C5AR1: variants seen among roughly 807,000 people sequenced by gnomAD.
C5AR1 encodes complement C5a receptor 1.
Under a neutral mutation model 2.4 loss-of-function variants are expected in C5AR1, and 4 were observed. That is an observed-to-expected ratio of 1.65 (90% confidence interval 0.81 to 3.77). C5AR1 has a LOEUF of 3.77. Among genes scored for constraint, C5AR1 ranks in the 30% most tolerant of loss-of-function variants. C5AR1 has a pLI of 0.01. For missense variants in C5AR1, 418 were observed against 462.5 expected (o/e 0.90, Z 0.88); for synonymous variants, 209 against 210.4 (o/e 0.99, Z 0.06).
In C5AR1 at chr19:47,320,458, C is replaced by T. The variant is rs143040550; in HGVS notation, c.681C>T (p.Leu227=). The T allele has an allele frequency of 6.2e-7, 1 of 1,612,790 alleles. No individual in the cohort carries two copies. Among genetic ancestry groups the T allele is most frequent in the South Asian group, 1.1e-5 (1 of 91,086 alleles). Residue 227 remains leucine (L), a synonymous_variant, in exon 2 of 2, where the codon CTC becomes CTT. Coordinates refer to ENST00000355085, the MANE Select transcript of C5AR1 (RefSeq NM_001736.4). This position sits in a 1 kb window ranked among gnomAD's most constrained non-coding sequence, Gnocchi z 4.9. ...TLTICYTFIL[L]RTWSRRATRS... ...CGATTTGTTACACTTTCATCCTGCT[C>T]CGGACGTGGAGCCGCAGGGCCACGC...
intron 1 of C5AR1, among the ~76,000 whole-genome samples, chr19:47,311,311 A>G (rs1457296346): frequency 6.6e-6 from 1 of 151,884 alleles, no homozygotes; most frequent in Admixed American, 6.6e-5. Flanking sequence ...GGAGATTGAG[A>G]CCATCCTGGC....
At position 47,321,242 on chromosome 19, in the gene C5AR1, A is replaced by G. The variant is rs1287450256; in HGVS notation, c.*412A>G. The stretch of plus-strand genomic sequence containing the variant: ...GGCAAGTTGGAAAATATGTAACTGG[A>G]ATCTCAAAAGTTCTTTGGGACAAAA... On this transcript the variant is annotated 3_prime_UTR_variant, in exon 2 of 2. Coordinates refer to ENST00000355085, the MANE Select transcript of C5AR1 (RefSeq NM_001736.4). The G allele has an allele frequency of 1.3e-5, 2 of 155,236 alleles. No individual in the cohort carries two copies. Among genetic ancestry groups the G allele is most frequent in the African/African-American group, 2.4e-5 (1 of 41,444 alleles). 9.6% of individuals were successfully genotyped at this position (155,236 alleles called of 1,614,324 possible).
At chr19:47,311,812 C>T (rs937018698) in intron 1 of C5AR1, among the ~76,000 whole-genome samples, 13 of 151,982 alleles carry the variant, frequency 8.6e-5, no homozygotes, top group Non-Finnish European at 1.3e-4. Context: ...GTGATCCACC[C>T]ACATTGGTCT....
At chr19:47,308,065 T>C (rs1486356598), upstream of C5AR1, among the ~76,000 whole-genome samples, 1 of 150,730 alleles carries the variant, frequency 6.6e-6, no homozygotes, top group African/African-American at 2.4e-5. Context: ...ATACAAAAAT[T>C]AGCCGGGTGC....
upstream of C5AR1, chr19:47,309,852 G>T: frequency 6.2e-7 from 1 of 1,610,466 alleles, no homozygotes; most frequent in Non-Finnish European, 8.5e-7. Flanking sequence ...CAGCCCTTGG[G>T]CAGGAGGGAC....
intron 1 of C5AR1, among the ~76,000 whole-genome samples, chr19:47,310,848 A>G (rs1408605356): frequency 6.6e-6 from 1 of 152,252 alleles, no homozygotes; most frequent in East Asian, 1.9e-4. Flanking sequence ...CCCAGGCAGG[A>G]GCAGAGATGG....
chr19:47,320,655 G>C lies in C5AR1; in HGVS notation c.878G>C (p.Cys293Ser). 6.2e-7 allele frequency: 1 copy of C among 1,614,136 alleles called. No homozygotes were observed. The highest frequency in any genetic ancestry group is 1.3e-5 in the African/African-American group (1 of 75,028). Residue 293 changes from cysteine (C) to serine (S), a missense_variant, in exon 2 of 2, where the codon TGC becomes TCC. Coordinates refer to ENST00000355085, the MANE Select transcript of C5AR1 (RefSeq NM_001736.4). The surrounding 1 kb of genome is among the most constrained non-coding windows in gnomAD (Gnocchi z 4.9). ...TGTGTCTCCTTTGCCTACATCAACT[G>C]CTGCATCAACCCCATCATCTACGTG... ...SLCVSFAYIN[C>S]CINPIIYVVA...
chr19:47,319,220 G>C (rs1292088532), intron 1 of C5AR1, among the ~76,000 whole-genome samples: 2 of 151,594 alleles, frequency 1.3e-5, no homozygotes, highest in Non-Finnish European at 2.9e-5. Flanking sequence ...GCTGGATCGT[G>C]GGGAAGCCCA....
rs2122145115 is a variant in C5AR1, at chr19:47,320,867, C to G, written c.*37C>G. ...ATGGGCCACTGTGGCCCGATGTCCC[C>G]TTCCTTCCCGGCCATTCTCCCTCTT... On this transcript the variant is annotated 3_prime_UTR_variant, in exon 2 of 2. Coordinates refer to ENST00000355085, the MANE Select transcript of C5AR1 (RefSeq NM_001736.4). The surrounding 1 kb of genome is among the most constrained non-coding windows in gnomAD (Gnocchi z 4.9). 1 of 1,542,664 alleles carries G rather than the reference C, an allele frequency of 6.5e-7. No homozygotes were observed. The highest frequency in any genetic ancestry group is 8.8e-7 in the Non-Finnish European group (1 of 1,135,120).
In C5AR1 at chr19:47,319,780, G is replaced by T; in HGVS notation, c.4-1G>T. ...TCTCTGCTCTCTCCGATTCCCCTTA[G>T]GACTCCTTCAATTATACCACCCCTG... On this transcript the variant is annotated splice_acceptor_variant, in intron 1 of 1. Coordinates refer to ENST00000355085, the MANE Select transcript of C5AR1 (RefSeq NM_001736.4). LOFTEE classifies it high-confidence loss of function. 4 of 1,592,560 alleles carry T rather than the reference G, an allele frequency of 2.5e-6. No individual in the cohort carries two copies. Among genetic ancestry groups the T allele is most frequent in the South Asian group, 2.2e-5 (2 of 90,282 alleles).
chr19:47,319,046 T>C (rs1179655866), intron 1 of C5AR1, among the ~76,000 whole-genome samples: 1 of 151,570 alleles, frequency 6.6e-6, no homozygotes, highest in African/African-American at 2.4e-5. Context: ...CTACCACGCC[T>C]GGCTAATTTT....
In C5AR1 at chr19:47,316,300, T is replaced by G. The variant is rs551112060; in HGVS notation, c.4-3481T>G. 2.0e-5 allele frequency among the ~76,000 whole-genome samples: 3 copies of G among 152,206 alleles called. No individual in the cohort carries two copies. The South Asian group carries it at 6.2e-4, about 32-fold the overall frequency. On this transcript the variant is annotated intron_variant, in intron 1 of 1. Coordinates refer to ENST00000355085, the MANE Select transcript of C5AR1 (RefSeq NM_001736.4). ...CCATTATCTATGTATCTATCATCTATCTATCTATCATCTATCTCTCAATCA... is the reference window on the plus strand; with the variant it reads ...CCATTATCTATGTATCTATCATCTAGCTATCTATCATCTATCTCTCAATCA...
chr19:47,309,865 TCGATCC>T lies in C5AR1; in HGVS notation c.-30_-25del. 1 of 1,611,986 alleles carries T rather than the reference TCGATCC, an allele frequency of 6.2e-7. No individual in the cohort carries two copies. The highest frequency in any genetic ancestry group is 8.5e-7 in the Non-Finnish European group (1 of 1,178,992). ...CACAGCCCTTGGGCAGGAGGGACCT[TCGATCC>T]TCGGGGAGCCCAGGAGACCAGAACA... On this transcript the variant is annotated 5_prime_UTR_variant, in exon 1 of 2. Transcript: ENST00000355085.
At chr19:47,308,675 C>T (rs2059261065), upstream of C5AR1, among the ~76,000 whole-genome samples, 1 of 151,890 alleles carries the variant, frequency 6.6e-6, no homozygotes, top group East Asian at 1.9e-4. Context: ...CCTGCCTCAG[C>T]CTTCTGAGTA....
chr19:47,312,688 G>A (rs896388925), intron 1 of C5AR1, among the ~76,000 whole-genome samples: 2 of 152,166 alleles, frequency 1.3e-5, no homozygotes, highest in African/African-American at 4.8e-5. Flanking sequence ...TAACCTTGAG[G>A]AAGGTACTTC....
chr19:47,310,103 G>A (rs948697567), intron 1 of C5AR1, among the ~76,000 whole-genome samples: 3 of 152,164 alleles, frequency 2.0e-5, no homozygotes, highest in Admixed American at 1.3e-4. Flanking sequence ...TGTGGCCATG[G>A]GAATAAGATT....
Position 47,320,803 on chromosome 19 carries a change from T to C in C5AR1, c.1026T>C (p.Thr342=), listed in dbSNP as rs778804975. The stretch of plus-strand genomic sequence containing the variant: ...CATTCACGCGCTCCACAGTGGACAC[T>C]ATGGCCCAGAAGACCCAGGCAGTGT... ...SKSFTRSTVD[T]MAQKTQAV Residue 342 remains threonine, a synonymous_variant, in exon 2 of 2, where the codon ACT becomes ACC. Coordinates refer to ENST00000355085, the MANE Select transcript of C5AR1 (RefSeq NM_001736.4). The surrounding 1 kb of genome is among the most constrained non-coding windows in gnomAD (Gnocchi z 4.9). The C allele has an allele frequency of 6.2e-7, 1 of 1,612,802 alleles. No individual in the cohort carries two copies. The highest frequency in any genetic ancestry group is 8.5e-7 in the Non-Finnish European group (1 of 1,178,962).
At chr19:47,307,626 C>T (rs2122123897), upstream of C5AR1, 1 of 152,348 alleles carries the variant, frequency 6.6e-6, no homozygotes, top group South Asian at 2.1e-4. Flanking sequence ...GGATTGCAGG[C>T]ATGAGCCACT....
At chr19:47,319,701 C>CATG in intron 1 of C5AR1, 80 bp from the exon 2 acceptor site, 1 of 897,010 alleles carries the variant, frequency 1.1e-6, no homozygotes, top group Admixed American at 2.1e-5. Context: ...GGGGAAAAGC[C>CATG]ACATGCCTGA....
Sources: gnomAD v4.1 joint callset for allele counts (sites outside exome capture counted in the v4.1 genomes callset) on GRCh38, gnomAD v4.1.1 for gene constraint, Gnocchi (gnomAD v3.1) non-coding constraint, MANE v1.5 for transcripts, NCBI Gene and HGNC (gene_info 2026-07-23, HGNC 2026-07-21) for gene names.